Variants in GALNT13 observed in about 807,000 individuals in gnomAD.
The protein encoded by GALNT13 is UDP-GalNAc:polypeptide N-acetylgalactosaminyltransferase 13.
GALNT13 carries 28 observed loss-of-function variants against 64.2 expected under a neutral mutation model. The ratio of observed to expected loss-of-function variants is 0.44; its 90% CI spans 0.32 to 0.60. The LOEUF (loss-of-function observed/expected upper bound fraction) is 0.60. Among genes scored for constraint, GALNT13 ranks in the 20% least tolerant of loss-of-function variants. The pLI is 0.05. For synonymous variants in GALNT13, 214 were observed against 224.6 expected, an observed-to-expected ratio of 0.95 and a Z score of 0.42; for missense variants, 577 against 669.8, an observed-to-expected ratio of 0.86 and a Z score of 1.53.
At chr2:153,820,685 A>G in the GALNT13 span, among the ~76,000 whole-genome samples, 1 of 152,166 alleles carries the variant, frequency 6.6e-6, no homozygotes, top group Admixed American at 6.5e-5. Flanking sequence ...TGTTACCACT[A>G]CACCAGCCTT....
At chr2:153,452,809 A>G in the GALNT13 span, among the ~76,000 whole-genome samples, 1 of 152,196 alleles carries the variant, frequency 6.6e-6, no homozygotes, top group African/African-American at 2.4e-5. Context: ...AAGACCCAGA[A>G]TAAGCAAAGC....
At chr2:153,497,269 A>T in the GALNT13 span, among the ~76,000 whole-genome samples, 54 of 152,212 alleles carry the variant, frequency 3.5e-4, no homozygotes, top group East Asian at 9.9e-3. Context: ...GGAAGCACAA[A>T]TAATAAACCA....
chr2:153,131,804 G>A, the GALNT13 span, among the ~76,000 whole-genome samples: 3 of 151,912 alleles, frequency 2.0e-5, no homozygotes, highest in East Asian at 3.9e-4. Context: ...AGCATGTTTG[G>A]TACCTAATGG....
intron 2 of GALNT13, among the ~76,000 whole-genome samples, chr2:153,917,071 T>C (rs1160478902): frequency 6.6e-6 from 1 of 152,136 alleles, no homozygotes; most frequent in Non-Finnish European, 1.5e-5. Flanking sequence ...AGTCACTTAG[T>C]TGATGAGATG....
chr2:153,876,234 CAT>C (rs1491057739), intron 1 of GALNT13, among the ~76,000 whole-genome samples: 21 of 141,914 alleles, frequency 1.5e-4, no homozygotes, highest in Admixed American at 6.3e-4. Flanking sequence ...CACACACACA[CAT>C]ACACACACAG....
chr2:154,013,721 G>A (rs577953981), intron 3 of GALNT13, among the ~76,000 whole-genome samples: 1 of 152,304 alleles, frequency 6.6e-6, no homozygotes, highest in African/African-American at 2.4e-5. Context: ...TGGCAGGGGT[G>A]GGCAAGGCAG....
the GALNT13 span, among the ~76,000 whole-genome samples, chr2:153,782,434 C>T: frequency 6.6e-6 from 1 of 152,044 alleles, no homozygotes; most frequent in African/African-American, 2.4e-5. Flanking sequence ...GAAATTGTAA[C>T]ACAATGGTAT....
the GALNT13 span, among the ~76,000 whole-genome samples, chr2:153,596,574 A>G: frequency 6.6e-6 from 1 of 152,144 alleles, no homozygotes; most frequent in Non-Finnish European, 1.5e-5. Context: ...GAAAATTATT[A>G]TAAACATGGC....
At chr2:154,228,492 TC>T (rs1688746340) in intron 4 of GALNT13, among the ~76,000 whole-genome samples, 1 of 152,148 alleles carries the variant, frequency 6.6e-6, no homozygotes, top group Non-Finnish European at 1.5e-5. Context: ...ATTTCTGAAA[TC>T]GTCCCCTGGA....
Position 153,922,883 on chromosome 2 carries a change from ATTTT to A in GALNT13, c.-104-21508_-104-21505del, listed in dbSNP as rs1285288934. ...CATTTGAAGTAGCATTTTTATTTTTATTTTTTATTTTAATTTTTAAATTTTTTAT... is the reference window on the plus strand; with the variant it reads ...CATTTGAAGTAGCATTTTTATTTTTATTATTTTAATTTTTAAATTTTTTAT... On this transcript the variant is annotated intron_variant, in intron 2 of 12. Coordinates refer to ENST00000392825, the MANE Select transcript of GALNT13 (RefSeq NM_052917.4). 2.6e-5 allele frequency among the ~76,000 whole-genome samples: 4 copies of A among 151,874 alleles called. No individual in the cohort carries two copies. The East Asian group carries it at 7.7e-4, about 29-fold the overall frequency.
the GALNT13 span, among the ~76,000 whole-genome samples, chr2:153,653,624 G>A: frequency 6.6e-6 from 1 of 152,056 alleles, no homozygotes. Context: ...GTATGCTCTC[G>A]CTCCCCAGAA....
chr2:154,148,514 A>G (rs537332088), intron 4 of GALNT13, among the ~76,000 whole-genome samples: 9 of 152,224 alleles, frequency 5.9e-5, no homozygotes, highest in African/African-American at 2.2e-4. Context: ...GACTTCCACA[A>G]TGGTTGAACT....
At chr2:154,026,599 T>C (rs1345944) in intron 3 of GALNT13, among the ~76,000 whole-genome samples, 88,169 of 152,078 alleles carry the variant, frequency 0.58, 27,192 homozygotes, top group East Asian at 0.96. Flanking sequence ...TGGTCACTTT[T>C]TCTCTGTGTT....
intron 10 of GALNT13, among the ~76,000 whole-genome samples, chr2:154,404,033 G>T (rs1699418171): frequency 6.6e-6 from 1 of 152,100 alleles, no homozygotes; most frequent in Non-Finnish European, 1.5e-5. Flanking sequence ...GGTAGTGGTT[G>T]TCTCTCTTTT....
At chr2:153,229,020 G>C in the GALNT13 span, among the ~76,000 whole-genome samples, 1 of 152,008 alleles carries the variant, frequency 6.6e-6, no homozygotes, top group African/African-American at 2.4e-5. Context: ...CTCTAAGATA[G>C]CTAGAGTATC....
chr2:154,259,921 A>G (rs1225403327), intron 8 of GALNT13, among the ~76,000 whole-genome samples: 2 of 152,198 alleles, frequency 1.3e-5, no homozygotes, highest in South Asian at 2.1e-4. Flanking sequence ...TCCATCACCC[A>G]GGCTGGAGTG....
chr2:153,514,608 T>G, the GALNT13 span, among the ~76,000 whole-genome samples: 1 of 152,138 alleles, frequency 6.6e-6, no homozygotes, highest in African/African-American at 2.4e-5. Context: ...TCTCTTCTCC[T>G]CCGCACTCTC....
the GALNT13 span, among the ~76,000 whole-genome samples, chr2:153,513,722 C>T: frequency 1.3e-5 from 2 of 152,186 alleles, no homozygotes. Flanking sequence ...TCTAGCTGAA[C>T]TGGAGGCAAA....
the GALNT13 span, among the ~76,000 whole-genome samples, chr2:153,253,617 G>C: frequency 1.1e-4 from 16 of 146,642 alleles, no homozygotes; most frequent in Admixed American, 9.6e-4. Context: ...GTCATAGATA[G>C]CTCTTATTAT....
Sources: gnomAD v4.1 joint callset for allele counts (sites outside exome capture counted in the v4.1 genomes callset) on GRCh38, gnomAD v4.1.1 for gene constraint, MANE v1.5 for transcripts, NCBI Gene and HGNC (gene_info 2026-07-23, HGNC 2026-07-21) for gene names.